Variants in IL1RL2 observed in about 807,000 individuals in gnomAD.
IL1RL2 encodes the protein interleukin-1 receptor-like 2.
A neutral mutation model predicts 66.8 loss-of-function variants in IL1RL2; 68 were observed. The observed-to-expected ratio is 1.02, with a 90% CI of 0.84 to 1.25. IL1RL2 has a LOEUF of 1.25. Among genes scored for constraint, IL1RL2 ranks in the 50% most tolerant of loss-of-function variants. IL1RL2 has a pLI of 0.00. For synonymous variants in IL1RL2, 305 were observed against 264.6 expected (o/e 1.15, Z -1.48); for missense variants, 729 against 709.3 (o/e 1.03, Z -0.32).
chr2:102,191,334 A>T (rs74523567), intron 3 of IL1RL2, among the ~76,000 whole-genome samples: 1 of 152,210 alleles, frequency 6.6e-6, no homozygotes, highest in African/African-American at 2.4e-5. Flanking sequence ...AGGAAACTTA[A>T]ACATCATATA....
rs1179255808 is a variant in IL1RL2 at position 102,194,267 on chromosome 2, A to G, written c.489+2147A>G. On this transcript the variant is annotated intron_variant, in intron 4 of 11. Coordinates refer to ENST00000264257, the MANE Select transcript of IL1RL2 (RefSeq NM_003854.4). The stretch of plus-strand genomic sequence containing the variant: ...TGTCTAGCTTCCTTGGCTCAATAGC[A>G]AAACAGTGGGAATCATCTATGCTGT... 2.0e-5 allele frequency among the ~76,000 whole-genome samples: 3 copies of G among 152,350 alleles called. No homozygotes were observed. The South Asian group carries it at 6.2e-4, about 32-fold the overall frequency.
chr2:102,188,003 G>C, intron 2 of IL1RL2, 78 bp downstream of exon 2: 2 of 1,423,868 alleles, frequency 1.4e-6, no homozygotes, highest in Non-Finnish European at 2.0e-6. Flanking sequence ...AGCCCCCGGG[G>C]ATCGCGTCAG....
At position 102,239,444 on chromosome 2, in the gene IL1RL2, C is replaced by A. The variant is rs1189221035; in HGVS notation, c.*203C>A. ...GGTGGGTGAGAGCTGGGGCCATCCC[C>A]GTGGTCATGGAGGGTGAGAGCTGGG... On this transcript the variant is annotated 3_prime_UTR_variant, in exon 12 of 12. Coordinates refer to ENST00000264257, the MANE Select transcript of IL1RL2 (RefSeq NM_003854.4). 11 of 536,550 alleles carry A rather than the reference C, an allele frequency of 2.1e-5. No homozygotes were observed. Among genetic ancestry groups the A allele is most frequent in the South Asian group, 7.8e-5 (4 of 51,332 alleles). 33.2% of individuals were successfully genotyped at this position (536,550 alleles called of 1,614,324 possible). A position where few individuals can be genotyped will look rare whatever the true frequency, so the allele number is the denominator to read the frequency against.
intron 11 of IL1RL2, chr2:102,235,899 T>G (rs1674835019): frequency 2.0e-6 from 2 of 985,452 alleles, no homozygotes; most frequent in African/African-American, 3.5e-5. Context: ...GGAGTGGCCA[T>G]GACTGCCTCT....
intron 4 of IL1RL2, among the ~76,000 whole-genome samples, chr2:102,200,117 C>CAA (rs35208716): frequency 0.041 from 3,926 of 94,832 alleles, 162 homozygotes; most frequent in South Asian, 0.058. Flanking sequence ...CCTGTTCCAG[C>CAA]AAAAAAAAAA....
At chr2:102,194,150 A>G (rs1176747111) in intron 4 of IL1RL2, among the ~76,000 whole-genome samples, 1 of 152,182 alleles carries the variant, frequency 6.6e-6, no homozygotes, top group Non-Finnish European at 1.5e-5. Flanking sequence ...CTAGTCCCCC[A>G]AATAACCACT....
chr2:102,241,609 C>T (rs371569893), downstream of IL1RL2, among the ~76,000 whole-genome samples: 5 of 152,174 alleles, frequency 3.3e-5, no homozygotes, highest in Non-Finnish European at 5.9e-5. Flanking sequence ...GATCTGATGC[C>T]GCCAGGTAGG....
chr2:102,229,027 C>T (rs541971451), intron 9 of IL1RL2, among the ~76,000 whole-genome samples: 2 of 152,332 alleles, frequency 1.3e-5, no homozygotes, highest in Admixed American at 1.3e-4. Flanking sequence ...ACCCACCAAA[C>T]CTCCTGCAGT....
chr2:102,189,828 A>G (rs1687075175), intron 3 of IL1RL2, among the ~76,000 whole-genome samples: 1 of 152,028 alleles, frequency 6.6e-6, no homozygotes, highest in Non-Finnish European at 1.5e-5. Flanking sequence ...AATTTTTTGT[A>G]TTTTTAGTAG....
At chr2:102,217,506 G>A (rs1458660487) in intron 6 of IL1RL2, among the ~76,000 whole-genome samples, 1 of 152,046 alleles carries the variant, frequency 6.6e-6, no homozygotes, top group Non-Finnish European at 1.5e-5. Context: ...AAAGCTGGAG[G>A]TATCACACTA....
At chr2:102,229,329 T>C (rs1259707019) in intron 9 of IL1RL2, among the ~76,000 whole-genome samples, 1 of 152,240 alleles carries the variant, frequency 6.6e-6, no homozygotes, top group Non-Finnish European at 1.5e-5. Context: ...GGGCTACTTT[T>C]GGAAAATTCA....
chr2:102,225,781 T>C, intron 8 of IL1RL2, 117 bp from the exon 9 acceptor site: 1 of 751,496 alleles, frequency 1.3e-6, no homozygotes, highest in Non-Finnish European at 1.9e-6. Context: ...CTCATTGACA[T>C]CCAAAACCTT....
intron 4 of IL1RL2, among the ~76,000 whole-genome samples, chr2:102,193,082 T>C (rs932346743): frequency 6.6e-6 from 1 of 152,024 alleles, no homozygotes; most frequent in Non-Finnish European, 1.5e-5. Flanking sequence ...ACACACACAC[T>C]TACTTGATTA....
chr2:102,232,894 G>A (rs955132864), intron 9 of IL1RL2, 69 bp from the exon 10 acceptor site: 1 of 1,551,442 alleles, frequency 6.4e-7, no homozygotes, highest in Non-Finnish European at 8.8e-7. Context: ...AGCCGCTCAG[G>A]CTTCCGGTTT....
downstream of IL1RL2, among the ~76,000 whole-genome samples, chr2:102,241,168 T>C (rs1021583903): frequency 1.3e-5 from 2 of 152,206 alleles, no homozygotes; most frequent in Non-Finnish European, 2.9e-5. Flanking sequence ...GCCAAGGATA[T>C]CTTTCTTCTT....
chr2:102,226,018 T>C lies in IL1RL2; in HGVS notation c.1112T>C (p.Phe371Ser). The C allele has an allele frequency of 5.0e-6, 8 of 1,602,990 alleles. No individual in the cohort carries two copies. The highest frequency in any genetic ancestry group is 6.0e-6 in the Non-Finnish European group (7 of 1,174,824). The change falls in exon 9 of 12, where the codon TTC becomes TCC. Residue 371 changes from phenylalanine to serine, a missense_variant. By Grantham distance (155) the Phe-to-Ser change is radical. Coordinates refer to ENST00000264257, the MANE Select transcript of IL1RL2 (RefSeq NM_003854.4). ...ATTGTTCTTTGGTATCGAAGTGCCT[T>C]CCATTCTACAGAGACCATAGTAGGT... ...IDIVLWYRSA[F>S]HSTETIVDGK... is the part of the protein sequence containing the mutation.
At chr2:102,219,421 G>C (rs1023789537) in intron 7 of IL1RL2, among the ~76,000 whole-genome samples, 6 of 152,202 alleles carry the variant, frequency 3.9e-5, no homozygotes, top group African/African-American at 1.4e-4. Flanking sequence ...AGAAATAGTA[G>C]TATAGTTCTT....
chr2:102,220,140 A>G, intron 8 of IL1RL2, 123 bp downstream of exon 8: 2 of 811,298 alleles, frequency 2.5e-6, no homozygotes, highest in Non-Finnish European at 3.5e-6. Flanking sequence ...AAAGGGACAA[A>G]CTCAGTATGA....
intron 5 of IL1RL2, 81 bp from the exon 6 acceptor site, chr2:102,212,019 G>T: frequency 2.1e-6 from 2 of 945,824 alleles, no homozygotes; most frequent in Non-Finnish European, 1.7e-6. Flanking sequence ...GCTCTGTTGG[G>T]CTTCATGCTA....
Sources: gnomAD v4.1 joint callset for allele counts (sites outside exome capture counted in the v4.1 genomes callset) on GRCh38, gnomAD v4.1.1 for gene constraint, MANE v1.5 for transcripts, NCBI Gene and HGNC (gene_info 2026-07-23, HGNC 2026-07-21) for gene names.